DNAH2: variants seen among roughly 807,000 people sequenced by gnomAD.
DNAH2 encodes dynein axonemal heavy chain 2.
DNAH2 carries 323 observed loss-of-function variants against 523.5 expected under a neutral mutation model. The observed-to-expected ratio is 0.62, with a 90% CI of 0.56 to 0.68. DNAH2 has a LOEUF of 0.68. Among genes scored for constraint, DNAH2 ranks in the 30% least tolerant of loss-of-function variants. The pLI is 0.00. For synonymous variants in DNAH2, 2,093 were observed against 2,177.4 expected (o/e 0.96, Z 1.08); for missense variants, 4,907 against 5,701.5 (o/e 0.86, Z 4.49).
intron 20 of DNAH2, among the ~76,000 whole-genome samples, chr17:7,764,782 C>CTTTTTTTTTTTTTT (rs59188289): frequency 4.0e-5 from 2 of 49,496 alleles, no homozygotes; most frequent in East Asian, 6.1e-4. Context: ...ACTGTATTTA[C>CTTTTTTTTTTTTTT]TTTTTTTTTT....
intron 48 of DNAH2, among the ~76,000 whole-genome samples, chr17:7,793,465 TTC>T (rs761205901): frequency 7.9e-6 from 1 of 126,160 alleles, no homozygotes; most frequent in Non-Finnish European, 1.8e-5. Context: ...CTTTCTTTCT[TTC>T]TTTCTTTCTT....
chr17:7,814,260 T>C (rs906789044), intron 63 of DNAH2, among the ~76,000 whole-genome samples: 5 of 132,870 alleles, frequency 3.8e-5, no homozygotes, highest in Admixed American at 8.2e-5. Context: ...GGTGTAATAA[T>C]AGTGTTGTGG....
chr17:7,734,355 C>G, intron 6 of DNAH2, 62 bp downstream of exon 6: 1 of 1,600,588 alleles, frequency 6.2e-7, no homozygotes. Context: ...AGGGGAGGCT[C>G]GGATGCTGAC....
intron 39 of DNAH2, among the ~76,000 whole-genome samples, chr17:7,782,192 C>T (rs910123200): frequency 6.6e-6 from 1 of 152,104 alleles, no homozygotes; most frequent in South Asian, 2.1e-4. Flanking sequence ...ACAGAAGATG[C>T]AGTGCTGCAT....
rs1334992460 is a variant in DNAH2, at chr17:7,739,018, G to A, written c.1171-715G>A. On this transcript the variant is annotated intron_variant, in intron 8 of 85. Transcript: ENST00000572933. ...GCGCTGCAAGGACCTTATTGAGGTGGGAAGACTGAAGAACCAAAAGCTAAC... is the reference window on the plus strand; with the variant it reads ...GCGCTGCAAGGACCTTATTGAGGTGAGAAGACTGAAGAACCAAAAGCTAAC... The A allele has an allele frequency of 1.1e-5, 8 of 702,536 alleles. No individual in the cohort carries two copies. The highest frequency in any genetic ancestry group is 8.0e-5 in the Admixed American group (4 of 49,970). The allele number at this position is 702,536 out of a possible 1,614,324, so 43.5% of individuals were successfully genotyped here. A position where few individuals can be genotyped will look rare whatever the true frequency, so the allele number is the denominator to read the frequency against.
rs2075279307 is a variant in DNAH2 at position 7,740,510 on chromosome 17, G to A, written c.1467G>A (p.Val489=). 6.2e-7 allele frequency: 1 copy of A among 1,614,028 alleles called. No individual in the cohort carries two copies. The highest frequency in any genetic ancestry group is 1.7e-5 in the Admixed American group (1 of 60,006). ...FELVRDVPHG[V]LLLDTFHRLA... ...TGGTGCGGGACGTGCCGCACGGCGT[G>A]CTTCTGCTGGACACCTTCCACAGGC... The change falls in exon 10 of 86, where the codon GTG becomes GTA. Residue 489 remains valine, a synonymous_variant. Transcript: ENST00000572933.
rs775570378 is a variant in DNAH2 at position 7,793,018 on chromosome 17, G to A, written c.7382G>A (p.Arg2461Lys). The change falls in exon 48 of 86, where the codon AGG (arginine) becomes AAG (lysine). Residue 2461 changes from arginine to lysine, a missense_variant. By Grantham distance (26) the Arg-to-Lys change is conservative. This residue lies in a region of DNAH2 where 2,806 missense variants were observed against 3,190.8 expected (regional missense o/e 0.88). Transcript: ENST00000572933. ...SNNVQSIIES[R>K]VEKRTKGVYV... Reference sequence around the variant, plus strand: ...AACGTGCAGAGCATCATTGAGAGCAGGGTTGAGAAGCGAACCAAGGGTGTC... The same window carrying A: ...AACGTGCAGAGCATCATTGAGAGCAAGGTTGAGAAGCGAACCAAGGGTGTC... 34 of 1,613,770 alleles carry A rather than the reference G, an allele frequency of 2.1e-5. 1 individual carries two copies. The Admixed American group carries it at 4.7e-4, about 22-fold the overall frequency.
At chr17:7,739,662 C>A in intron 8 of DNAH2, 71 bp from the exon 9 acceptor site, 1 of 1,413,998 alleles carries the variant, frequency 7.1e-7, no homozygotes, top group Non-Finnish European at 9.8e-7. Context: ...ACATTTGAAG[C>A]TAAACCAAAT....
chr17:7,768,060 A>T lies in DNAH2; in HGVS notation c.3836A>T (p.Lys1279Met). 2 of 1,614,130 alleles carry T rather than the reference A, an allele frequency of 1.2e-6. No homozygotes were observed. Among genetic ancestry groups the T allele is most frequent in the Non-Finnish European group, 1.7e-6 (2 of 1,180,016 alleles). ...RRLTKLAKEY[K>M]DRNWEIIETT... Reference sequence around the variant, plus strand: ...CTCACAAAATTAGCCAAAGAGTATAAGGTGGGGAGAAACGGCGGGGAGGCG... The same window carrying T: ...CTCACAAAATTAGCCAAAGAGTATATGGTGGGGAGAAACGGCGGGGAGGCG... Residue 1279 changes from lysine to methionine, a missense_variant and splice_region_variant, in exon 23 of 86, where the codon AAG (lysine) becomes ATG (methionine). Around this residue, in one of 3 missense-constraint regions of DNAH2, gnomAD observed 2,806 missense variants for 3,190.8 expected, o/e 0.88. Transcript: ENST00000572933.
intron 12 of DNAH2, among the ~76,000 whole-genome samples, chr17:7,750,875 G>C (rs1408417190): frequency 6.6e-6 from 1 of 152,016 alleles, no homozygotes; most frequent in Non-Finnish European, 1.5e-5. Context: ...AATAAAGACG[G>C]TAAAAACACA....
intron 28 of DNAH2, among the ~76,000 whole-genome samples, 185 bp downstream of exon 28, chr17:7,771,653 G>T (rs554059145): frequency 2.0e-5 from 3 of 152,248 alleles, no homozygotes; most frequent in African/African-American, 4.8e-5. Context: ...TTTGAGTGGA[G>T]TATAATAATG....
rs1195107295 is a variant in DNAH2, at chr17:7,798,166, T to C, written c.8240T>C (p.Ile2747Thr). 1 of 1,593,546 alleles carries C rather than the reference T, an allele frequency of 6.3e-7. No homozygotes were observed. Among genetic ancestry groups the C allele is most frequent in the East Asian group, 2.3e-5 (1 of 44,310 alleles). Residue 2747 changes from isoleucine (I) to threonine (T), a missense_variant, in exon 54 of 86, where the codon ATC (isoleucine) becomes ACC (threonine). This residue lies in a region of DNAH2 where 250 missense variants were observed against 371.3 expected (regional missense o/e 0.67). Transcript: ENST00000572933. The surrounding 1 kb of genome is among the most constrained non-coding windows in gnomAD (Gnocchi z 5.5). ...CCCACCCCACCCCCAGTCACACGGATCGTGCGGGTCATTGGACAGCCTCGG... is the reference window on the plus strand; with the variant it reads ...CCCACCCCACCCCCAGTCACACGGACCGTGCGGGTCATTGGACAGCCTCGG... Reference protein sequence around the residue: ...FREAIEHITRIVRVIGQPRGN... With the variant: ...FREAIEHITRTVRVIGQPRGN...
At chr17:7,796,379 G>A (rs2077063317) in intron 49 of DNAH2, 85 bp from the exon 50 acceptor site, 2 of 1,477,264 alleles carry the variant, frequency 1.4e-6, no homozygotes, top group African/African-American at 1.4e-5. Context: ...CCCTTAAATT[G>A]TGCCCATGAG....
intron 58 of DNAH2, 114 bp downstream of exon 58, chr17:7,802,131 C>T (rs1003485477): frequency 2.1e-6 from 3 of 1,430,310 alleles, no homozygotes; most frequent in Non-Finnish European, 2.8e-6. Flanking sequence ...CAGTTCTGCC[C>T]AGGAAGTTGG....
chr17:7,818,217 A>G (rs1406809214), intron 68 of DNAH2, 95 bp from the exon 69 acceptor site: 1 of 1,595,630 alleles, frequency 6.3e-7, no homozygotes, highest in Non-Finnish European at 8.5e-7. Context: ...GGGCCTTAGG[A>G]CAGGCTGAGT....
chr17:7,744,152 G>A (rs148698580), intron 12 of DNAH2, among the ~76,000 whole-genome samples: 683 of 152,148 alleles, frequency 4.5e-3, no homozygotes, highest in Admixed American at 9.0e-3. Flanking sequence ...AAATTAGCTG[G>A]GCATTGTGGC....
At chr17:7,771,814 T>A (rs2076324606) in intron 28 of DNAH2, among the ~76,000 whole-genome samples, 1 of 152,080 alleles carries the variant, frequency 6.6e-6, no homozygotes, top group Admixed American at 6.6e-5. Flanking sequence ...CCTCCCGGGT[T>A]CAAATGATTC....
At position 7,794,169 on chromosome 17, in the gene DNAH2, C is replaced by G. The variant is rs972380957; in HGVS notation, c.7570-85C>G. 1.9e-5 allele frequency: 18 copies of G among 945,052 alleles called. No individual in the cohort carries two copies. The African/African-American group carries it at 2.9e-4, about 15-fold the overall frequency. 58.5% of individuals were successfully genotyped at this position (945,052 alleles called of 1,614,324 possible). On this transcript the variant is annotated intron_variant, in intron 48 of 85. Transcript: ENST00000572933. ...TGTCCCTCCTCGCACTGTTTTCCTC[C>G]CACTCCTTTTCACCTGGCCTGTGTC... is the stretch of plus-strand genomic sequence containing the variant.
At position 7,727,317 on chromosome 17, in the gene DNAH2, A is replaced by T. The variant is rs375449200; in HGVS notation, c.399+25A>T. On this transcript the variant is annotated intron_variant, in intron 4 of 85. Transcript: ENST00000572933. ...GGTGCGTACCCTACATTCCCAGATCAAAGGTGGTCCTACAGAGAGCCGAGG... is the reference window on the plus strand; with the variant it reads ...GGTGCGTACCCTACATTCCCAGATCTAAGGTGGTCCTACAGAGAGCCGAGG... 16 of 1,590,420 alleles carry T rather than the reference A, an allele frequency of 1.0e-5. No homozygotes were observed. In the African/African-American group the frequency reaches 1.9e-4, roughly 19 times the overall value.
Sources: allele counts gnomAD v4.1 joint callset (sites outside exome capture counted in the v4.1 genomes callset), GRCh38; gene constraint gnomAD v4.1.1; regional missense constraint gnomAD v4.1.1; non-coding constraint Gnocchi (gnomAD v3.1); transcripts MANE v1.5; gene names NCBI Gene and HGNC (gene_info 2026-07-23, HGNC 2026-07-21).